The following DCAF15 variants were observed in gnomAD, a reference collection of about 807,000 sequenced individuals.
DCAF15 encodes the protein DDB1- and CUL4-associated factor 15.
In DCAF15, 24 loss-of-function variants were observed where a neutral mutation model predicts 68.0. The observed-to-expected ratio is 0.35, with a 90% CI of 0.26 to 0.50. The LOEUF is 0.50. Ranked by LOEUF, DCAF15 falls within the 20% of genes least tolerant of loss-of-function variation. The pLI, the probability that DCAF15 is intolerant of heterozygous loss-of-function variation, is 0.98. For missense variants in DCAF15, 627 were observed against 830.6 expected (o/e 0.75, Z 3.01); for synonymous variants, 376 against 341.6 (o/e 1.10, Z -1.11).
At chr19:13,958,961 G>A (rs1973473939) in intron 6 of DCAF15, 84 bp from the exon 7 acceptor site, 2 of 1,477,516 alleles carry the variant, frequency 1.4e-6, no homozygotes, top group South Asian at 2.7e-5. Context: ...TCTCCTTAAG[G>A]TGGGTTTCTG....
rs1318032247 is a variant in DCAF15, at chr19:13,960,517, T to A, written c.1684T>A (p.Trp562Arg). Residue 562 changes from tryptophan (W) to arginine (R), a missense_variant, in exon 12 of 13, where the codon TGG becomes AGG. By Grantham distance (101) the Trp-to-Arg change is moderately radical. Around this residue, in one of 3 missense-constraint regions of DCAF15, gnomAD observed 118 missense variants for 211.8 expected, o/e 0.56. Coordinates refer to ENST00000254337, the MANE Select transcript of DCAF15 (RefSeq NM_138353.4). ...GAGCTGCGTGGACATGGTCATGAAG[T>A]GGCTGGTGCCGGAGAGCAGCGGCCG... ...RKSCVDMVMKWLVPESSGRYV... is the reference protein window; with the variant it reads ...RKSCVDMVMKRLVPESSGRYV... The A allele has an allele frequency of 6.2e-7, 1 of 1,608,782 alleles. No individual in the cohort carries two copies. Among genetic ancestry groups the A allele is most frequent in the African/African-American group, 1.3e-5 (1 of 74,902 alleles).
intron 11 of DCAF15, 25 bp downstream of exon 11, chr19:13,960,416 T>A: frequency 6.2e-7 from 1 of 1,612,820 alleles, no homozygotes; most frequent in South Asian, 1.1e-5. Flanking sequence ...GGGGGCAGGG[T>A]CAGGGCGCGG....
In DCAF15 at chr19:13,960,598, C is replaced by A; in HGVS notation, c.1747+18C>A. On this transcript the variant is annotated intron_variant, in intron 12 of 12. Transcript: ENST00000254337. ...GCACAAAGGTGGGGCTCGGTGACCC[C>A]GTGATGGTCAGGGTCACCAGGAACA... The A allele has an allele frequency of 6.4e-7, 1 of 1,553,822 alleles. No homozygotes were observed. Among genetic ancestry groups the A allele is most frequent in the East Asian group, 2.4e-5 (1 of 42,536 alleles).
At chr19:13,956,729 C>T (rs1363821028) in intron 6 of DCAF15, among the ~76,000 whole-genome samples, 2 of 152,260 alleles carry the variant, frequency 1.3e-5, no homozygotes, top group African/African-American at 2.4e-5. Flanking sequence ...TGAGATGTCC[C>T]ACCATGGCTG....
chr19:13,954,438 G>A lies in DCAF15; in HGVS notation c.230+1G>A. ...TGGATGAGGACTTCCTCTATGCAGG[G>A]TGAGGCTGGGCCCAGGCAAAGGGGG... On this transcript the variant is annotated splice_donor_variant, in intron 2 of 12. Transcript: ENST00000254337. LOFTEE classifies it high-confidence loss of function. 1.2e-6 allele frequency: 2 copies of A among 1,613,824 alleles called. No individual in the cohort carries two copies. Among genetic ancestry groups the A allele is most frequent in the Non-Finnish European group, 1.7e-6 (2 of 1,179,916 alleles).
rs1324543915 is a variant in DCAF15 at position 13,954,581 on chromosome 19, A to G, written c.286A>G (p.Ser96Gly). The G allele has an allele frequency of 6.2e-7, 1 of 1,614,066 alleles. No homozygotes were observed. ...CGRYVLSYTS[S>G]SGDDDFSFYI... Reference sequence around the variant, plus strand: ...CCGCTACGTCCTCTCCTACACCAGCAGCAGTGGGGATGACGACTTCTCCTT... The same window carrying G: ...CCGCTACGTCCTCTCCTACACCAGCGGCAGTGGGGATGACGACTTCTCCTT... The change falls in exon 3 of 13, where the codon AGC becomes GGC. Residue 96 changes from serine to glycine, a missense_variant. Coordinates refer to ENST00000254337, the MANE Select transcript of DCAF15 (RefSeq NM_138353.4).
chr19:13,960,604 G>C (rs1207266837), intron 12 of DCAF15, 24 bp downstream of exon 12: 1 of 1,537,840 alleles, frequency 6.5e-7, no homozygotes, highest in Non-Finnish European at 8.8e-7. Flanking sequence ...ACCCCGTGAT[G>C]GTCAGGGTCA....
intron 6 of DCAF15, among the ~76,000 whole-genome samples, 171 bp downstream of exon 6, chr19:13,956,693 C>G (rs1261644136): frequency 2.0e-5 from 3 of 152,260 alleles, no homozygotes; most frequent in Admixed American, 6.5e-5. Context: ...CCACCACAGC[C>G]CTGCCCACGG....
At chr19:13,953,235 A>G (rs970004914) in intron 1 of DCAF15, 8 of 1,190,074 alleles carry the variant, frequency 6.7e-6, no homozygotes, top group Non-Finnish European at 8.1e-6. Flanking sequence ...GGAAACTCCC[A>G]GAGCTGGGGG....
chr19:13,956,581 C>A (rs1973375009), intron 6 of DCAF15, 59 bp downstream of exon 6: 18 of 1,578,516 alleles, frequency 1.1e-5, no homozygotes, highest in Non-Finnish European at 1.6e-5. Flanking sequence ...TCTCCCTACC[C>A]CACCACACAG....
At position 13,952,551 on chromosome 19, in the gene DCAF15, T is replaced by G; in HGVS notation, c.39T>G (p.Ala13=). 4 of 1,262,124 alleles carry G rather than the reference T, an allele frequency of 3.2e-6. No individual in the cohort carries two copies. The highest frequency in any genetic ancestry group is 4.0e-6 in the Non-Finnish European group (4 of 999,084). 78.2% of individuals were successfully genotyped at this position (1,262,124 alleles called of 1,614,324 possible). The change falls in exon 1 of 13, where the codon GCT becomes GCG. Residue 13 remains alanine (A), a synonymous_variant. Coordinates refer to ENST00000254337, the MANE Select transcript of DCAF15 (RefSeq NM_138353.4). ...CGAAATCGGAGCGGAACAGCGGGGCTGGGAGCGGCGGCGGCGGCCCCGGGG... is the reference window on the plus strand; with the variant it reads ...CGAAATCGGAGCGGAACAGCGGGGCGGGGAGCGGCGGCGGCGGCCCCGGGG... The part of the protein sequence containing the change: ...PSSKSERNSG[A]GSGGGGPGGA...
At chr19:13,958,977 C>A in intron 6 of DCAF15, 68 bp from the exon 7 acceptor site, 1 of 1,519,970 alleles carries the variant, frequency 6.6e-7, no homozygotes, top group Non-Finnish European at 8.8e-7. Flanking sequence ...TTCTGAAAAC[C>A]CCTGGGGACA....
intron 6 of DCAF15, 65 bp downstream of exon 6, chr19:13,956,587 C>T (rs916667033): frequency 5.7e-6 from 9 of 1,570,068 alleles, no homozygotes; most frequent in African/African-American, 5.4e-5. Flanking sequence ...TACCCCACCA[C>T]ACAGACAAGG....
chr19:13,958,653 T>C (rs1432075518), intron 6 of DCAF15, among the ~76,000 whole-genome samples: 1 of 152,102 alleles, frequency 6.6e-6, no homozygotes, highest in African/African-American at 2.4e-5. Flanking sequence ...AGGTCTTCCA[T>C]ATCAGAGAAA....
chr19:13,953,241 G>T, intron 1 of DCAF15: 1 of 1,107,040 alleles, frequency 9.0e-7, no homozygotes, highest in Non-Finnish European at 1.3e-6. Context: ...TCCCAGAGCT[G>T]GGGGATGATG....
At chr19:13,955,884 C>T (rs748201960) in intron 3 of DCAF15, 28 bp from the exon 4 acceptor site, 16 of 1,610,864 alleles carry the variant, frequency 9.9e-6, no homozygotes, top group African/African-American at 2.7e-5. Flanking sequence ...TTCCCTGACC[C>T]GGTGCTGCCC....
rs115947812 is a variant in DCAF15, at chr19:13,954,240, C to T, written c.133-100C>T. On this transcript the variant is annotated intron_variant, in intron 1 of 12. Transcript: ENST00000254337. ...TTTTGACCATTATGGTGGGCTGGGC[C>T]GGTCTGGACCCGGTGAGAGCCGCTC... 203 of 975,960 alleles carry T rather than the reference C, an allele frequency of 2.1e-4. No homozygotes were observed. In the East Asian group the frequency reaches 4.8e-3, roughly 23 times the overall value. 60.5% of individuals were successfully genotyped at this position (975,960 alleles called of 1,614,324 possible).
intron 3 of DCAF15, among the ~76,000 whole-genome samples, chr19:13,955,514 G>T (rs989711150): frequency 1.3e-5 from 2 of 152,206 alleles, no homozygotes; most frequent in African/African-American, 4.8e-5. Context: ...AGAACATGTT[G>T]GCTCAGGCCA....
Position 13,959,986 on chromosome 19 carries a change from C to T in DCAF15, c.1443C>T (p.Val481=). The T allele has an allele frequency of 6.2e-7, 1 of 1,613,742 alleles. No individual in the cohort carries two copies. The highest frequency in any genetic ancestry group is 8.5e-7 in the Non-Finnish European group (1 of 1,179,944). The change falls in exon 10 of 13, where the codon GTC becomes GTT. Residue 481 remains valine (V), a splice_region_variant and synonymous_variant. Transcript: ENST00000254337. ...FSDYDIVILE[V]CPETNQVLIN... is the part of the protein sequence containing the mutation. Reference sequence around the variant, plus strand: ...GCATCATCCACCCCCACCCCCAGGTCTGCCCAGAAACCAACCAGGTCCTCA... The same window carrying T: ...GCATCATCCACCCCCACCCCCAGGTTTGCCCAGAAACCAACCAGGTCCTCA...
Sources: allele counts gnomAD v4.1 joint callset (sites outside exome capture counted in the v4.1 genomes callset), GRCh38; gene constraint gnomAD v4.1.1; regional missense constraint gnomAD v4.1.1; transcripts MANE v1.5; gene names NCBI Gene and HGNC (gene_info 2026-07-23, HGNC 2026-07-21).